Variants in IGF1R observed in about 807,000 individuals in gnomAD.
The protein encoded by IGF1R is insulin-like growth factor 1 receptor.
Under a neutral mutation model 144.6 loss-of-function variants are expected in IGF1R, and 44 were observed. The ratio of observed to expected loss-of-function variants is 0.30; its 90% CI spans 0.24 to 0.39. The LOEUF (loss-of-function observed/expected upper bound fraction) is 0.39. IGF1R is among the 10% of genes least tolerant of loss of function. IGF1R has a pLI of 1.00. For missense variants in IGF1R, 1,355 were observed against 1,833.7 expected, an observed-to-expected ratio of 0.74 and a Z score of 4.77; for synonymous variants, 795 against 722.8, an observed-to-expected ratio of 1.10 and a Z score of -1.60.
intron 2 of IGF1R, among the ~76,000 whole-genome samples, chr15:98,874,411 G>A (rs756565293): frequency 5.3e-5 from 8 of 152,208 alleles, no homozygotes; most frequent in Non-Finnish European, 1.2e-4. Context: ...TTGGAAATTG[G>A]AGGAGGGCAG....
chr15:98,668,704 C>T (rs993884255), intron 1 of IGF1R, among the ~76,000 whole-genome samples: 1 of 152,192 alleles, frequency 6.6e-6, no homozygotes, highest in Admixed American at 6.5e-5. Context: ...TCTCTGAAAA[C>T]TCTGTTCCAT....
intron 2 of IGF1R, among the ~76,000 whole-genome samples, chr15:98,860,162 T>A (rs776871719): frequency 1.3e-5 from 2 of 152,388 alleles, no homozygotes; most frequent in South Asian, 4.1e-4. Context: ...GATCCTTGAC[T>A]CTGAACTGTA....
At chr15:98,822,907 G>T (rs558916351) in intron 2 of IGF1R, among the ~76,000 whole-genome samples, 34 of 152,182 alleles carry the variant, frequency 2.2e-4, no homozygotes, top group African/African-American at 8.0e-4. Flanking sequence ...TCTTAGAAGC[G>T]TGAATGATTT....
At chr15:98,728,344 T>C (rs2141292190) in intron 2 of IGF1R, among the ~76,000 whole-genome samples, 1 of 152,260 alleles carries the variant, frequency 6.6e-6, no homozygotes, top group South Asian at 2.1e-4. Context: ...AGACTCAGCC[T>C]GGACTGTCTT....
At chr15:98,839,284 A>G (rs2011135840) in intron 2 of IGF1R, among the ~76,000 whole-genome samples, 1 of 152,224 alleles carries the variant, frequency 6.6e-6, no homozygotes, top group South Asian at 2.1e-4. Context: ...TGCAGCTAGT[A>G]AATGGCAGAC....
chr15:98,886,119 A>G (rs1264310032), intron 2 of IGF1R, among the ~76,000 whole-genome samples: 2 of 152,130 alleles, frequency 1.3e-5, no homozygotes, highest in Admixed American at 1.3e-4. Flanking sequence ...CGCCCAGCCT[A>G]TGGTATGCTT....
intron 2 of IGF1R, among the ~76,000 whole-genome samples, chr15:98,840,951 G>A (rs149329072): frequency 1.3e-5 from 2 of 152,188 alleles, no homozygotes. Context: ...AAAGTGCTGG[G>A]ATTACAGGCG....
At chr15:98,724,568 A>C (rs1239575603) in intron 2 of IGF1R, among the ~76,000 whole-genome samples, 1 of 152,232 alleles carries the variant, frequency 6.6e-6, no homozygotes, top group Admixed American at 6.5e-5. Context: ...CCTCTGTAAT[A>C]GACACGTTGT....
chr15:98,865,404 G>T (rs1473348017), intron 2 of IGF1R, among the ~76,000 whole-genome samples: 1 of 152,204 alleles, frequency 6.6e-6, no homozygotes, highest in Non-Finnish European at 1.5e-5. Flanking sequence ...ACGCCGCCTG[G>T]ATCGCTGGCT....
At chr15:98,878,622 C>T (rs898302532) in intron 2 of IGF1R, among the ~76,000 whole-genome samples, 1 of 134,160 alleles carries the variant, frequency 7.5e-6, no homozygotes, top group African/African-American at 2.9e-5. Context: ...AAATAGTCAC[C>T]CATTCTGCAG....
chr15:98,677,565 GA>G (rs763944413), intron 1 of IGF1R, among the ~76,000 whole-genome samples: 1 of 152,202 alleles, frequency 6.6e-6, no homozygotes, highest in Non-Finnish European at 1.5e-5. Flanking sequence ...AGTCTGGAGG[GA>G]AGGAGTCTGT....
At chr15:98,907,890 T>C (rs1280540984) in intron 5 of IGF1R, among the ~76,000 whole-genome samples, 3 of 152,220 alleles carry the variant, frequency 2.0e-5, no homozygotes, top group Non-Finnish European at 4.4e-5. Context: ...CCACGTGTGG[T>C]CCAGGGACCA....
rs1567230433 is a variant in IGF1R, at chr15:98,963,672, T to C, written c.*6230T>C. On this transcript the variant is annotated 3_prime_UTR_variant, in exon 21 of 21. Transcript: ENST00000650285. ...GTGATCACATAAACGATGACAGCTA[T>C]GGGGCACACAGGCCATTTGCTTACA... is the stretch of plus-strand genomic sequence containing the variant. The C allele has an allele frequency of 4.3e-6, 1 of 233,208 alleles. No individual in the cohort carries two copies. The highest frequency in any genetic ancestry group is 1.8e-4 in the South Asian group (1 of 5,534). 14.4% of individuals were successfully genotyped at this position (233,208 alleles called of 1,614,324 possible). A position where few individuals can be genotyped will look rare whatever the true frequency, so the allele number is the denominator to read the frequency against.
chr15:98,821,229 G>T (rs2056795649), intron 2 of IGF1R, among the ~76,000 whole-genome samples: 1 of 151,674 alleles, frequency 6.6e-6, no homozygotes, highest in Non-Finnish European at 1.5e-5. Flanking sequence ...TGCGCTTCTG[G>T]TTTTTCCCTT....
chr15:98,794,166 T>C (rs1437979434), intron 2 of IGF1R, among the ~76,000 whole-genome samples: 1 of 152,214 alleles, frequency 6.6e-6, no homozygotes, highest in Non-Finnish European at 1.5e-5. Flanking sequence ...ATGTCGCACA[T>C]TGAGTATTTT....
chr15:98,656,768 G>C (rs535322250), intron 1 of IGF1R, among the ~76,000 whole-genome samples: 2 of 152,106 alleles, frequency 1.3e-5, no homozygotes, highest in African/African-American at 2.4e-5. Flanking sequence ...TACATAATAC[G>C]AATGCCGTTT....
At chr15:98,846,934 C>T (rs1374667303) in intron 2 of IGF1R, among the ~76,000 whole-genome samples, 1 of 152,112 alleles carries the variant, frequency 6.6e-6, no homozygotes, top group Admixed American at 6.5e-5. Context: ...TGTATGGCTG[C>T]CAATTATTAT....
intron 17 of IGF1R, 139 bp from the exon 18 acceptor site, chr15:98,939,062 C>A (rs2151713377): frequency 1.4e-6 from 1 of 711,694 alleles, no homozygotes. Context: ...TTTGTTCCTT[C>A]CGAGCAAGTC....
intron 2 of IGF1R, among the ~76,000 whole-genome samples, chr15:98,800,903 G>T (rs2056348329): frequency 6.6e-6 from 1 of 152,178 alleles, no homozygotes; most frequent in African/African-American, 2.4e-5. Context: ...ATCTAGCCCA[G>T]GCTTCATTTT....
Sources: gnomAD v4.1 joint callset for allele counts (sites outside exome capture counted in the v4.1 genomes callset) on GRCh38, gnomAD v4.1.1 for gene constraint, MANE v1.5 for transcripts, NCBI Gene and HGNC (gene_info 2026-07-23, HGNC 2026-07-21) for gene names.